The following PAPLN variants were observed in gnomAD, a reference collection of about 807,000 sequenced individuals.
PAPLN encodes the protein papilin, proteoglycan like sulfated glycoprotein, also known as papilin.
PAPLN carries 146 observed loss-of-function variants against 159.0 expected under a neutral mutation model. That is an observed-to-expected ratio of 0.92 (90% CI 0.80 to 1.05). The LOEUF is 1.05. Ranked by LOEUF, PAPLN falls within the 50% of genes least tolerant of loss-of-function variation. The probability of loss-of-function intolerance (pLI) is 0.00; values close to 1 mark genes in which losing one functional copy is unlikely to be tolerated. For synonymous variants in PAPLN, 734 were observed against 702.9 expected, an observed-to-expected ratio of 1.04 and a Z score of -0.70; for missense variants, 1,720 against 1,743.9, an observed-to-expected ratio of 0.99 and a Z score of 0.24.
In PAPLN at chr14:73,251,782, G is replaced by A. The variant is rs771505122; in HGVS notation, c.789G>A (p.Leu263=). ...ACGAGCGGGGTGCTGAGGGGGACCT[G>A]GCCCCTGAGCGACTCCATGCCCGGG... ...LHYERGAEGD[L]APERLHARGP... is the part of the protein sequence containing the mutation. The change falls in exon 9 of 27, where the codon CTG becomes CTA. Residue 263 remains leucine, a synonymous_variant. Coordinates refer to ENST00000644200, the MANE Select transcript of PAPLN (RefSeq NM_001365906.3). The A allele has an allele frequency of 1.2e-6, 2 of 1,609,396 alleles. No individual in the cohort carries two copies. Among genetic ancestry groups the A allele is most frequent in the African/African-American group, 1.3e-5 (1 of 74,694 alleles).
rs755914137 is a variant in PAPLN, at chr14:73,254,013, G to A, written c.1302+52G>A. On this transcript the variant is annotated intron_variant, in intron 12 of 26. Coordinates refer to ENST00000644200, the MANE Select transcript of PAPLN (RefSeq NM_001365906.3). ...GGTGCTGGACCTGGGTAGCAGCAGG[G>A]AAGGGCTGGGGTCTTGTTCTCTGCT... 48 of 1,552,484 alleles carry A rather than the reference G, an allele frequency of 3.1e-5. 3 individuals carry two copies. The South Asian group carries it at 5.4e-4, about 17-fold the overall frequency.
intron 5 of PAPLN, among the ~76,000 whole-genome samples, chr14:73,248,974 TA>T (rs772750318): frequency 2.6e-5 from 4 of 151,866 alleles, no homozygotes; most frequent in African/African-American, 9.7e-5. Flanking sequence ...CTACAAAAAA[TA>T]AAAAAATTAG....
Position 73,245,470 on chromosome 14 carries a change from C to T in PAPLN, c.171-166C>T, listed in dbSNP as rs751894421. 4 of 677,382 alleles carry T rather than the reference C, an allele frequency of 5.9e-6. No homozygotes were observed. The highest frequency in any genetic ancestry group is 5.7e-5 in the South Asian group (3 of 52,448). The allele number at this position is 677,382 out of a possible 1,614,324, so 42.0% of individuals were successfully genotyped here. A position where few individuals can be genotyped will look rare whatever the true frequency, so the allele number is the denominator to read the frequency against. Reference sequence around the variant, plus strand: ...GCTTCTCTGGAGTACCAACATGGGTCGCTCACTCCCACCTGGGGGATTTAC... The same window carrying T: ...GCTTCTCTGGAGTACCAACATGGGTTGCTCACTCCCACCTGGGGGATTTAC... On this transcript the variant is annotated intron_variant, in intron 3 of 26. Coordinates refer to ENST00000644200, the MANE Select transcript of PAPLN (RefSeq NM_001365906.3). This position sits in a 1 kb window ranked among gnomAD's most constrained non-coding sequence, Gnocchi z 4.2.
In PAPLN at chr14:73,268,582, G is replaced by A. The variant is rs1054022594; in HGVS notation, c.3526G>A (p.Gly1176Ser). 1 of 1,613,382 alleles carries A rather than the reference G, an allele frequency of 6.2e-7. No individual in the cohort carries two copies. The highest frequency in any genetic ancestry group is 8.5e-7 in the Non-Finnish European group (1 of 1,179,614). The change falls in exon 26 of 27, where the codon GGC becomes AGC. Residue 1176 changes from glycine to serine, a missense_variant. Physicochemically the swap from Gly to Ser is moderately conservative, Grantham distance 56 (BLOSUM62 0). Coordinates refer to ENST00000644200, the MANE Select transcript of PAPLN (RefSeq NM_001365906.3). Reference protein sequence around the residue: ...SRNGLPVQADGHRVHQSPDGT... With the variant: ...SRNGLPVQADSHRVHQSPDGT... ...GAACGGGCTACCTGTGCAGGCTGAT[G>A]GCCACCGTGTCCACCAGTCCCCAGA...
chr14:73,244,681 CCTGGAGCCA>C lies in PAPLN; in HGVS notation c.93_101del (p.Gln34_Ser36del). 1 of 1,596,386 alleles carries C rather than the reference CCTGGAGCCA, an allele frequency of 6.3e-7. No homozygotes were observed. The highest frequency in any genetic ancestry group is 1.3e-5 in the African/African-American group (1 of 74,638). On this transcript the variant is annotated inframe_deletion, in exon 3 of 27. Coordinates refer to ENST00000644200, the MANE Select transcript of PAPLN (RefSeq NM_001365906.3). ...AGGCGGCAGAGTGACACCTGGGGAC[CCTGGAGCCA>C]GTGGAGCCCCTGCAGCCGGACCTGT... is the stretch of plus-strand genomic sequence containing the variant.
In PAPLN at chr14:73,252,637, G is replaced by A. The variant is rs1395097235; in HGVS notation, c.968-12G>A. ...ACTGGCGTCTGCCCGCCATGGCTGG[G>A]CCTCTGCGCAGGTCACCAGTCCCGC... On this transcript the variant is annotated splice_polypyrimidine_tract_variant and intron_variant, in intron 10 of 26. Transcript: ENST00000644200. The A allele has an allele frequency of 1.2e-6, 2 of 1,610,716 alleles. No individual in the cohort carries two copies. The highest frequency in any genetic ancestry group is 1.7e-6 in the Non-Finnish European group (2 of 1,179,116).
chr14:73,270,212 T>C (rs190447175), intron 26 of PAPLN, among the ~76,000 whole-genome samples: 1 of 152,292 alleles, frequency 6.6e-6, no homozygotes, highest in Non-Finnish European at 1.5e-5. Flanking sequence ...CCGGGCAGGC[T>C]GCGCTCCGCT....
rs535637337 is a variant in PAPLN at position 73,262,574 on chromosome 14, C to T, written c.2470C>T (p.His824Tyr). ...PQPGASGRST[H>Y]TDGGGSSPAG... The stretch of plus-strand genomic sequence containing the variant: ...GCCTGGGGCTTCTGGAAGGAGCACC[C>T]ACACGGATGGTGGCGGCAGCAGTCC... Residue 824 changes from histidine (H) to tyrosine (Y), a missense_variant, in exon 19 of 27, where the codon CAC becomes TAC. Transcript: ENST00000644200. 1.9e-6 allele frequency: 3 copies of T among 1,565,422 alleles called. No individual in the cohort carries two copies. The South Asian group carries it at 3.5e-5, about 18-fold the overall frequency.
intron 5 of PAPLN, chr14:73,246,770 G>A (rs886558385): frequency 6.6e-6 from 1 of 150,730 alleles, no homozygotes; most frequent in Non-Finnish European, 1.5e-5. Context: ...AATTTTTAAA[G>A]TAAATATGGA....
rs981716038 is a variant in PAPLN, at chr14:73,272,784, GCT to G, written c.*123_*124del. The G allele has an allele frequency of 2.7e-5, 32 of 1,176,226 alleles. No homozygotes were observed. Among genetic ancestry groups the G allele is most frequent in the Non-Finnish European group, 2.1e-5 (19 of 894,600 alleles). The allele number at this position is 1,176,226 out of a possible 1,614,324, so 72.9% of individuals were successfully genotyped here. A position where few individuals can be genotyped will look rare whatever the true frequency, so the allele number is the denominator to read the frequency against. On this transcript the variant is annotated 3_prime_UTR_variant, in exon 27 of 27. Transcript: ENST00000644200. ...GGGAGTTATCTTCTGGAATACATTA[GCT>G]CTTTCAAAAACCCACCCAGTGTTTA... is the stretch of plus-strand genomic sequence containing the variant.
In PAPLN at chr14:73,259,001, G is replaced by A. The variant is rs1886245856; in HGVS notation, c.1650G>A (p.Val550=). The A allele has an allele frequency of 5.0e-6, 8 of 1,612,226 alleles. No homozygotes were observed. In the African/African-American group the frequency reaches 6.7e-5, roughly 13 times the overall value. Reference sequence around the variant, plus strand: ...CAGAGGTCCCCAGCATGCAGGATGTGCACACCCCTGCCAGCAACCCCTGGA... The same window carrying A: ...CAGAGGTCCCCAGCATGCAGGATGTACACACCCCTGCCAGCAACCCCTGGA... ...LPQEVPSMQD[V]HTPASNPWMP... is the part of the protein sequence containing the mutation. Residue 550 remains valine (V), a synonymous_variant, in exon 15 of 27, where the codon GTG becomes GTA. Coordinates refer to ENST00000644200, the MANE Select transcript of PAPLN (RefSeq NM_001365906.3).
chr14:73,260,190 T>C (rs1368666767), intron 16 of PAPLN, among the ~76,000 whole-genome samples: 1 of 152,190 alleles, frequency 6.6e-6, no homozygotes, highest in Non-Finnish European at 1.5e-5. Context: ...ATGGGAATGA[T>C]GACAATCGTG....
chr14:73,255,903 G>C (rs781450679), intron 14 of PAPLN, among the ~76,000 whole-genome samples: 4 of 152,254 alleles, frequency 2.6e-5, no homozygotes, highest in Non-Finnish European at 4.4e-5. Flanking sequence ...CCACCTCTCT[G>C]ATTCTCAGTT....
chr14:73,236,579 G>A (rs1205913850), upstream of PAPLN, among the ~76,000 whole-genome samples: 1 of 152,180 alleles, frequency 6.6e-6, no homozygotes, highest in Non-Finnish European at 1.5e-5. Context: ...CACTTTGGGA[G>A]TCCGAGGTGG....
intron 20 of PAPLN, 178 bp downstream of exon 20, chr14:73,263,960 CG>C (rs1594824903): frequency 7.2e-7 from 1 of 1,387,916 alleles, no homozygotes; most frequent in Non-Finnish European, 9.6e-7. Flanking sequence ...GACGGCCCCC[CG>C]ACCTCCTCTG....
chr14:73,249,867 G>T, intron 5 of PAPLN, 117 bp from the exon 6 acceptor site: 1 of 1,213,700 alleles, frequency 8.2e-7, no homozygotes, highest in Middle Eastern at 2.4e-4. Context: ...TGTGCTCTGC[G>T]GGGCCTGCTG....
intron 18 of PAPLN, 136 bp downstream of exon 18, chr14:73,261,430 G>A (rs1886575682): frequency 7.7e-7 from 1 of 1,300,942 alleles, no homozygotes; most frequent in Non-Finnish European, 1.0e-6. Context: ...TTGATTGCCT[G>A]CTAGGTGCCA....
chr14:73,251,486 G>C lies in PAPLN; in HGVS notation c.590G>C (p.Gly197Ala), dbSNP rs746894549. 1 of 1,605,512 alleles carries C rather than the reference G, an allele frequency of 6.2e-7. No homozygotes were observed. Among genetic ancestry groups the C allele is most frequent in the Admixed American group, 1.7e-5 (1 of 60,022 alleles). The change falls in exon 8 of 27, where the codon GGC (glycine) becomes GCC (alanine). Residue 197 changes from glycine to alanine, a missense_variant and splice_region_variant. Coordinates refer to ENST00000644200, the MANE Select transcript of PAPLN (RefSeq NM_001365906.3). Reference sequence around the variant, plus strand: ...CCAGCACCTGCGTCTCTGCCCCCAGGCTACAACCAGATCCTCATAGTTCCC... The same window carrying C: ...CCAGCACCTGCGTCTCTGCCCCCAGCCTACAACCAGATCCTCATAGTTCCC... The part of the protein sequence containing the change: ...GTFDANDLSR[G>A]YNQILIVPMG...
Position 73,245,879 on chromosome 14 carries a change from T to C in PAPLN, c.231+183T>C. 1 of 908,020 alleles carries C rather than the reference T, an allele frequency of 1.1e-6. No individual in the cohort carries two copies. The highest frequency in any genetic ancestry group is 1.6e-6 in the Non-Finnish European group (1 of 611,444). The allele number at this position is 908,020 out of a possible 1,614,324, so 56.2% of individuals were successfully genotyped here. On this transcript the variant is annotated intron_variant, in intron 4 of 26. Coordinates refer to ENST00000644200, the MANE Select transcript of PAPLN (RefSeq NM_001365906.3). This position sits in a 1 kb window ranked among gnomAD's most constrained non-coding sequence, Gnocchi z 4.2. The stretch of plus-strand genomic sequence containing the variant: ...TCACCCTGCTCCCGGGGACTGGCCT[T>C]GCCCTCCACAGCCTAGAGCACCATG...
Sources: allele counts gnomAD v4.1 joint callset (sites outside exome capture counted in the v4.1 genomes callset), GRCh38; gene constraint gnomAD v4.1.1; non-coding constraint Gnocchi (gnomAD v3.1); transcripts MANE v1.5; gene names NCBI Gene and HGNC (gene_info 2026-07-23, HGNC 2026-07-21).